Variants in ADAM22 observed in about 807,000 individuals in gnomAD.
ADAM22 encodes the protein disintegrin and metalloproteinase domain-containing protein 22.
ADAM22 carries 65 observed loss-of-function variants against 144.6 expected under a neutral mutation model. The observed-to-expected ratio is 0.45, with a 90% confidence interval of 0.37 to 0.55. The LOEUF is 0.55. Ranked by LOEUF, ADAM22 falls within the 20% of genes least tolerant of loss-of-function variation. The pLI is 0.00. For missense variants in ADAM22, 974 were observed against 1,184.9 expected, an observed-to-expected ratio of 0.82 and a Z score of 2.61; for synonymous variants, 391 against 412.6, an observed-to-expected ratio of 0.95 and a Z score of 0.63.
intron 26 of ADAM22, among the ~76,000 whole-genome samples, chr7:88,173,761 T>C (rs1489869947): frequency 6.6e-6 from 1 of 152,072 alleles, no homozygotes; most frequent in Admixed American, 6.6e-5. Flanking sequence ...AATCTACTAG[T>C]ATGTGGTATT....
chr7:88,184,988 C>T (rs753470934), intron 29 of ADAM22, among the ~76,000 whole-genome samples: 66 of 152,328 alleles, frequency 4.3e-4, no homozygotes, highest in Admixed American at 3.3e-3. Flanking sequence ...TGACTCACTT[C>T]GCTGTGTGGC....
chr7:88,132,588 T>C (rs936706558), intron 11 of ADAM22: 1 of 248,350 alleles, frequency 4.0e-6, no homozygotes, highest in Middle Eastern at 1.4e-3. Context: ...ACCAGAGAAG[T>C]GATTTTGTGT....
chr7:87,987,838 C>T (rs1467328844), intron 3 of ADAM22, among the ~76,000 whole-genome samples: 2 of 152,166 alleles, frequency 1.3e-5, no homozygotes. Flanking sequence ...TCTGTTACTT[C>T]ACACTCTGAA....
chr7:88,114,637 A>G lies in ADAM22; in HGVS notation c.527A>G (p.Asp176Gly), dbSNP rs1420344470. 1.2e-6 allele frequency: 2 copies of G among 1,613,802 alleles called. No homozygotes were observed. Among genetic ancestry groups the G allele is most frequent in the Admixed American group, 1.7e-5 (1 of 59,992 alleles). ...HTYLIEPEEN[D>G]TTQEDFHFHS... Reference sequence around the variant, plus strand: ...TATCTCATTGAGCCAGAAGAAAATGACACTACTCAAGTAAGTGCTCCTTCT... The same window carrying G: ...TATCTCATTGAGCCAGAAGAAAATGGCACTACTCAAGTAAGTGCTCCTTCT... Residue 176 changes from aspartate to glycine, a missense_variant, in exon 6 of 32, where the codon GAC (aspartate) becomes GGC (glycine). Asp to Gly is a moderately conservative substitution (Grantham distance 94). Coordinates refer to ENST00000413139, the MANE Select transcript of ADAM22 (RefSeq NM_001324418.2).
intron 3 of ADAM22, among the ~76,000 whole-genome samples, chr7:88,072,210 A>G (rs957242821): frequency 3.3e-5 from 5 of 152,008 alleles, no homozygotes; most frequent in African/African-American, 1.2e-4. Context: ...TTCCAGCAAT[A>G]CTTGTATATA....
intron 30 of ADAM22, among the ~76,000 whole-genome samples, chr7:88,187,700 G>A (rs184118234): frequency 6.6e-6 from 1 of 152,224 alleles, no homozygotes; most frequent in Admixed American, 6.5e-5. Flanking sequence ...CATGACTTGG[G>A]TCAACATTGA....
rs776038852 is a variant in ADAM22, at chr7:88,186,634, A to G, written c.2683A>G (p.Lys895Glu). 6.2e-7 allele frequency: 1 copy of G among 1,611,678 alleles called. No homozygotes were observed. Among genetic ancestry groups the G allele is most frequent in the African/African-American group, 1.3e-5 (1 of 74,886 alleles). The part of the protein sequence containing the change: ...NSTEYLNPWF[K>E]RDYNVAKWVE... Reference sequence around the variant, plus strand: ...CTGCAGGTATTTAAACCCATGGTTCAAAAGAGACTATAATGTAGCTAAGTG... The same window carrying G: ...CTGCAGGTATTTAAACCCATGGTTCGAAAGAGACTATAATGTAGCTAAGTG... Residue 895 changes from lysine (K) to glutamate (E), a missense_variant, in exon 30 of 32, where the codon AAA becomes GAA. Transcript: ENST00000413139.
At chr7:88,146,860 G>A (rs148446908) in intron 17 of ADAM22, among the ~76,000 whole-genome samples, 18 of 152,268 alleles carry the variant, frequency 1.2e-4, no homozygotes, top group Non-Finnish European at 2.6e-4. Flanking sequence ...AGACGAGCAG[G>A]CACTGGCAGA....
At chr7:88,142,730 C>T (rs949616812) in intron 14 of ADAM22, among the ~76,000 whole-genome samples, 13 of 151,582 alleles carry the variant, frequency 8.6e-5, no homozygotes, top group South Asian at 2.1e-4. Context: ...CCCAGCTACT[C>T]GGGAGGCTGA....
At chr7:88,149,628 A>G (rs1454871638) in intron 18 of ADAM22, among the ~76,000 whole-genome samples, 2 of 152,210 alleles carry the variant, frequency 1.3e-5, no homozygotes, top group African/African-American at 4.8e-5. Context: ...GTGCCAAACC[A>G]TAAAAATGAC....
intron 20 of ADAM22, among the ~76,000 whole-genome samples, chr7:88,152,443 A>C (rs1301179049): frequency 2.6e-5 from 4 of 152,206 alleles, no homozygotes; most frequent in Non-Finnish European, 5.9e-5. Context: ...CTTAAAGCAA[A>C]GTAAAATTGC....
intron 3 of ADAM22, among the ~76,000 whole-genome samples, chr7:88,046,699 G>C (rs983272131): frequency 2.6e-5 from 4 of 152,102 alleles, no homozygotes; most frequent in Admixed American, 6.5e-5. Context: ...TATAGCTTCA[G>C]GTCTGTGTTT....
chr7:88,145,275 C>A, intron 16 of ADAM22, 79 bp downstream of exon 16: 1 of 1,519,928 alleles, frequency 6.6e-7, no homozygotes. Flanking sequence ...ATGTATGGAG[C>A]AAATGTCATG....
At chr7:87,967,753 A>C (rs966456544) in intron 2 of ADAM22, among the ~76,000 whole-genome samples, 12 of 146,172 alleles carry the variant, frequency 8.2e-5, no homozygotes, top group Admixed American at 4.2e-4. Flanking sequence ...GGTTGCAGTG[A>C]GCTAAGATCG....
At chr7:88,022,927 A>G (rs1000995371) in intron 3 of ADAM22, among the ~76,000 whole-genome samples, 2 of 152,242 alleles carry the variant, frequency 1.3e-5, no homozygotes, top group African/African-American at 4.8e-5. Flanking sequence ...TATTGAAACT[A>G]TTAGTGGAGC....
chr7:88,041,358 C>G (rs555901191), intron 3 of ADAM22, among the ~76,000 whole-genome samples: 42 of 151,986 alleles, frequency 2.8e-4, no homozygotes, highest in African/African-American at 1.0e-3. Flanking sequence ...AATAGTTATA[C>G]TAACATAGAT....
intron 25 of ADAM22, among the ~76,000 whole-genome samples, chr7:88,170,234 T>C (rs1025545840): frequency 3.3e-5 from 5 of 152,034 alleles, no homozygotes; most frequent in African/African-American, 1.2e-4. Context: ...CCCAAATAGC[T>C]AAAGTTTTAA....
Position 88,202,518 on chromosome 7 carries a change from A to C in ADAM22, c.*6027A>C, listed in dbSNP as rs1305777364. On this transcript the variant is annotated 3_prime_UTR_variant, in exon 32 of 32. Transcript: ENST00000413139. The stretch of plus-strand genomic sequence containing the variant: ...TAGCAGCATGGTTTCACTTTTGGTA[A>C]TCAGGTAATCATGTGTATATACTTA... 1.3e-5 allele frequency: 2 copies of C among 152,176 alleles called. No individual in the cohort carries two copies. The allele number at this position is 152,176 out of a possible 1,614,324, so 9.4% of individuals were successfully genotyped here.
intron 4 of ADAM22, among the ~76,000 whole-genome samples, chr7:88,085,267 T>A (rs963895603): frequency 2.6e-5 from 4 of 152,194 alleles, no homozygotes; most frequent in Non-Finnish European, 5.9e-5. Flanking sequence ...GCTTCTTGTG[T>A]CAGTTTGCAC....
Sources: allele counts gnomAD v4.1 joint callset (sites outside exome capture counted in the v4.1 genomes callset), GRCh38; gene constraint gnomAD v4.1.1; transcripts MANE v1.5; gene names NCBI Gene and HGNC (gene_info 2026-07-23, HGNC 2026-07-21).